Variants in PCDH9 observed in about 807,000 individuals in gnomAD.
PCDH9 encodes the protein protocadherin 9, also known as protocadherin-9.
A neutral mutation model predicts 70.6 loss-of-function variants in PCDH9; 24 were observed. The ratio of observed to expected loss-of-function variants is 0.34; its 90% CI spans 0.25 to 0.48. The LOEUF (loss-of-function observed/expected upper bound fraction) is 0.48. PCDH9 is among the 20% of genes least tolerant of loss of function. PCDH9 has a pLI of 0.99. For synonymous variants in PCDH9, 562 were observed against 558.5 expected, an observed-to-expected ratio of 1.01 and a Z score of -0.09; for missense variants, 1,281 against 1,503.6, an observed-to-expected ratio of 0.85 and a Z score of 2.45.
At chr13:66,901,639 G>A (rs922915355) in intron 3 of PCDH9, among the ~76,000 whole-genome samples, 10 of 151,658 alleles carry the variant, frequency 6.6e-5, no homozygotes, top group African/African-American at 2.4e-4. Flanking sequence ...CATAACTCTA[G>A]ATGTCATTTT....
chr13:67,005,397 T>C (rs927211371), intron 2 of PCDH9, among the ~76,000 whole-genome samples: 1 of 152,180 alleles, frequency 6.6e-6, no homozygotes, highest in Non-Finnish European at 1.5e-5. Flanking sequence ...TATATAAAAA[T>C]AGAACTAAGT....
intron 4 of PCDH9, among the ~76,000 whole-genome samples, chr13:66,425,540 T>C (rs979620497): frequency 4.0e-5 from 6 of 151,148 alleles, no homozygotes; most frequent in Non-Finnish European, 8.9e-5. Flanking sequence ...TTGCAGAAGT[T>C]ATCCTACTTT....
At chr13:66,613,493 G>C (rs2077318717) in intron 4 of PCDH9, among the ~76,000 whole-genome samples, 1 of 151,042 alleles carries the variant, frequency 6.6e-6, no homozygotes, top group African/African-American at 2.4e-5. Flanking sequence ...AGGATTTGTG[G>C]GGCTAGTCTT....
At chr13:67,017,561 T>C (rs1238242963) in intron 2 of PCDH9, among the ~76,000 whole-genome samples, 2 of 152,230 alleles carry the variant, frequency 1.3e-5, no homozygotes, top group Non-Finnish European at 2.9e-5. Context: ...GGGTAGATGG[T>C]TCTATTTTTA....
In PCDH9 at chr13:67,145,291, T is replaced by C. The variant is rs916934298; in HGVS notation, c.3036+80114A>G. 9.9e-4 allele frequency among the ~76,000 whole-genome samples: 151 copies of C among 152,094 alleles called. 2 individuals are homozygous for C. Among genetic ancestry groups the C allele is most frequent in the African/African-American group, 3.3e-3 (138 of 41,444 alleles). ...AACTAATGATTTAGTCTGAACAAGA[T>C]GCTTGTAAATGAAGTGTCTCTCTAT... On this transcript the variant is annotated intron_variant, in intron 2 of 4. Coordinates refer to ENST00000377865, the MANE Select transcript of PCDH9 (RefSeq NM_203487.3).
chr13:66,490,678 TATC>T (rs1959019789), intron 4 of PCDH9, among the ~76,000 whole-genome samples: 1 of 152,176 alleles, frequency 6.6e-6, no homozygotes, highest in Non-Finnish European at 1.5e-5. Context: ...GGAAGAGAGT[TATC>T]AGTTGTGTAA....
intron 4 of PCDH9, among the ~76,000 whole-genome samples, chr13:66,431,975 T>C (rs1957777881): frequency 6.6e-6 from 1 of 152,030 alleles, no homozygotes; most frequent in Non-Finnish European, 1.5e-5. Flanking sequence ...TTCAATTTAG[T>C]ATTTCTAAAT....
chr13:66,870,727 G>A (rs1454056034), intron 3 of PCDH9, among the ~76,000 whole-genome samples: 3 of 152,094 alleles, frequency 2.0e-5, no homozygotes, highest in Non-Finnish European at 4.4e-5. Context: ...TCATTAAAAA[G>A]TCAGGAAACA....
chr13:66,671,752 C>A (rs975111067), intron 3 of PCDH9, among the ~76,000 whole-genome samples: 1 of 152,208 alleles, frequency 6.6e-6, no homozygotes, highest in East Asian at 1.9e-4. Flanking sequence ...GACTTGGGTG[C>A]TCTTAAAAGC....
At chr13:66,570,124 G>A (rs767149109) in intron 4 of PCDH9, among the ~76,000 whole-genome samples, 38 of 151,930 alleles carry the variant, frequency 2.5e-4, no homozygotes, top group Non-Finnish European at 7.4e-5. Context: ...ACAAATCTCC[G>A]GGGGATTATA....
chr13:66,941,759 G>A (rs957749581), intron 2 of PCDH9, among the ~76,000 whole-genome samples: 4 of 151,842 alleles, frequency 2.6e-5, no homozygotes, highest in Admixed American at 2.0e-4. Context: ...AAAACTAATA[G>A]ACCTGCAAAT....
chr13:66,536,199 G>T (rs536115065), intron 4 of PCDH9, among the ~76,000 whole-genome samples: 1 of 151,976 alleles, frequency 6.6e-6, no homozygotes, highest in Non-Finnish European at 1.5e-5. Flanking sequence ...TAAATAATAT[G>T]TTCTTTGGGT....
Position 67,073,101 on chromosome 13 carries a change from A to T in PCDH9, c.3036+152304T>A, listed in dbSNP as rs148430093. ...TAGGCTTTATACACCCAATAATCAC[A>T]CAAGGAGCTAGTTAAAATTGCAGGT... On this transcript the variant is annotated intron_variant, in intron 2 of 4. Transcript: ENST00000377865. Among the ~76,000 whole-genome samples, 279 of 152,276 alleles carry T rather than the reference A, an allele frequency of 1.8e-3. 4 individuals are homozygous for T. The highest frequency in any genetic ancestry group is 6.3e-3 in the African/African-American group (261 of 41,572).
At chr13:66,730,893 T>TTTGTTTTTTG (rs1199296661) in intron 3 of PCDH9, among the ~76,000 whole-genome samples, 2 of 94,544 alleles carry the variant, frequency 2.1e-5, no homozygotes, top group African/African-American at 7.5e-5. Flanking sequence ...TTTTGTTTGT[T>TTTGTTTTTTG]TCTTTTTTTT....
chr13:66,923,523 A>T (rs1054080069), intron 2 of PCDH9, among the ~76,000 whole-genome samples: 6 of 151,726 alleles, frequency 4.0e-5, no homozygotes, highest in African/African-American at 1.4e-4. Context: ...AAAATCTATC[A>T]TCATAGGTAA....
At chr13:66,701,049 GTTT>G (rs2078640117) in intron 3 of PCDH9, among the ~76,000 whole-genome samples, 1 of 147,342 alleles carries the variant, frequency 6.8e-6, no homozygotes, top group Non-Finnish European at 1.5e-5. Context: ...ACAGAATTCT[GTTT>G]TTAAGTTAAG....
At chr13:66,330,440 A>G (rs879303225) in intron 4 of PCDH9, among the ~76,000 whole-genome samples, 19 of 152,192 alleles carry the variant, frequency 1.2e-4, no homozygotes, top group Admixed American at 1.2e-3. Flanking sequence ...CCCATGCTGC[A>G]TATTTACCAT....
At chr13:66,416,873 G>T (rs370517705) in intron 4 of PCDH9, among the ~76,000 whole-genome samples, 1 of 152,114 alleles carries the variant, frequency 6.6e-6, no homozygotes, top group Non-Finnish European at 1.5e-5. Flanking sequence ...CTGAGAAAAC[G>T]TCTTGAATGA....
intron 2 of PCDH9, among the ~76,000 whole-genome samples, chr13:67,084,134 A>G (rs1407892189): frequency 6.6e-6 from 1 of 152,182 alleles, no homozygotes; most frequent in Non-Finnish European, 1.5e-5. Context: ...TTGAAACAGT[A>G]GCCAAATAAG....
Sources: allele counts gnomAD v4.1 joint callset (sites outside exome capture counted in the v4.1 genomes callset), GRCh38; gene constraint gnomAD v4.1.1; transcripts MANE v1.5; gene names NCBI Gene and HGNC (gene_info 2026-07-23, HGNC 2026-07-21).